The following FAM20C variants were observed in gnomAD, a reference collection of about 807,000 sequenced individuals.
FAM20C encodes the protein extracellular serine/threonine protein kinase FAM20C.
Under a neutral mutation model 51.5 loss-of-function variants are expected in FAM20C, and 40 were observed. The observed-to-expected ratio is 0.78, with a 90% CI of 0.60 to 1.01. FAM20C has a LOEUF of 1.01. Among genes scored for constraint, FAM20C ranks in the 50% least tolerant of loss-of-function variants. The probability of loss-of-function intolerance (pLI) is 0.00; values close to 1 mark genes in which losing one functional copy is unlikely to be tolerated. For missense variants in FAM20C, 861 were observed against 844.7 expected (o/e 1.02, Z -0.24); for synonymous variants, 406 against 380.6 (o/e 1.07, Z -0.78).
Position 257,032 on chromosome 7 carries a change from CTT to C in FAM20C, c.1394_1395del (p.Phe465Ter). ...AACATGGACCGTCACCACTACGAGA[CTT>C]TTGAGAAGTTTGGGAATGAAACGTT... On this transcript the variant is annotated frameshift_variant, in exon 8 of 10. Coordinates refer to ENST00000313766, the MANE Select transcript of FAM20C (RefSeq NM_020223.4). LOFTEE classifies it high-confidence loss of function. The C allele has an allele frequency of 6.5e-7, 1 of 1,537,154 alleles. No homozygotes were observed. Among genetic ancestry groups the C allele is most frequent in the Non-Finnish European group, 8.7e-7 (1 of 1,146,902 alleles).
At position 258,688 on chromosome 7, in the gene FAM20C, G is replaced by A. The variant is rs370400682; in HGVS notation, c.1488G>A (p.Pro496=). 171 of 1,536,394 alleles carry A rather than the reference G, an allele frequency of 1.1e-4. No homozygotes were observed. The African/African-American group carries it at 1.2e-3, about 11-fold the overall frequency. Residue 496 remains proline, a synonymous_variant, in exon 9 of 10, where the codon CCG becomes CCA. Transcript: ENST00000313766. ...ACGACGAGCTCTCCATCCTGGTGCC[G>A]CTACAGCAGTGCTGCAGGTACAGCC... ...YSHDELSILV[P]LQQCCRIRKS... is the part of the protein sequence containing the mutation.
At chr7:223,533 A>G (rs1787331776) in intron 3 of FAM20C, among the ~76,000 whole-genome samples, 1 of 152,166 alleles carries the variant, frequency 6.6e-6, no homozygotes, top group Admixed American at 6.5e-5. Flanking sequence ...AGGCGGGCAC[A>G]TGGTGGGGCA....
intron 9 of FAM20C, 38 bp from the exon 10 acceptor site, chr7:259,693 C>A: frequency 6.6e-7 from 1 of 1,511,914 alleles, no homozygotes; most frequent in South Asian, 1.2e-5. Flanking sequence ...GGCATCTCCC[C>A]TGTCCCGTGC....
At chr7:259,440 A>G (rs1788779605) in intron 9 of FAM20C, among the ~76,000 whole-genome samples, 1 of 37,270 alleles carries the variant, frequency 2.7e-5, no homozygotes, top group Non-Finnish European at 5.1e-5. Flanking sequence ...TGCCGTCTCT[A>G]TCTGTGTCTG....
intron 3 of FAM20C, chr7:228,703 C>T (rs764016131): frequency 1.3e-4 from 61 of 456,150 alleles, no homozygotes; most frequent in South Asian, 9.0e-4. Flanking sequence ...AGCACAGCTG[C>T]CAGCCTCCAC....
intron 3 of FAM20C, among the ~76,000 whole-genome samples, chr7:242,876 G>C (rs1787992616): frequency 6.6e-6 from 1 of 152,192 alleles, no homozygotes; most frequent in South Asian, 2.1e-4. Flanking sequence ...GAGGGACGTG[G>C]AGTGGCTGTG....
intron 2 of FAM20C, chr7:197,535 T>C (rs6951112): frequency 0.95 from 158,313 of 166,674 alleles, 75,720 homozygotes; most frequent in Non-Finnish European, 1. Flanking sequence ...ATCTGTCCAG[T>C]GGGATCTCGC....
chr7:251,983 G>C (rs1439509779), intron 5 of FAM20C, among the ~76,000 whole-genome samples: 1 of 152,228 alleles, frequency 6.6e-6, no homozygotes, highest in Non-Finnish European at 1.5e-5. Context: ...GCGCTGCCCT[G>C]TCAGTCCGAT....
At chr7:213,969 A>G (rs1432341800) in intron 3 of FAM20C, among the ~76,000 whole-genome samples, 1 of 152,162 alleles carries the variant, frequency 6.6e-6, no homozygotes, top group Non-Finnish European at 1.5e-5. Flanking sequence ...CTTTAAAGAA[A>G]TGTCTATTCA....
chr7:257,715 G>A (rs540345377), intron 8 of FAM20C, among the ~76,000 whole-genome samples: 40 of 152,096 alleles, frequency 2.6e-4, no homozygotes, highest in African/African-American at 9.2e-4. Context: ...CACATACAGG[G>A]CTGGGGACAG....
intron 5 of FAM20C, among the ~76,000 whole-genome samples, chr7:249,699 C>A (rs931821194): frequency 3.9e-5 from 6 of 152,084 alleles, no homozygotes; most frequent in Non-Finnish European, 8.8e-5. Context: ...GGGGTTGCAC[C>A]ACTGCACTCC....
chr7:212,169 GT>G (rs1314092094), intron 3 of FAM20C, among the ~76,000 whole-genome samples: 1 of 152,208 alleles, frequency 6.6e-6, no homozygotes, highest in Non-Finnish European at 1.5e-5. Context: ...ATGATTAATA[GT>G]TCTCTTTAAA....
intron 2 of FAM20C, among the ~76,000 whole-genome samples, chr7:206,819 T>G (rs1260560296): frequency 5.2e-4 from 40 of 77,532 alleles, no homozygotes; most frequent in Middle Eastern, 8.8e-3. Context: ...CGTCGGTCAC[T>G]GTCCCCTCGG....
chr7:195,211 G>A, intron 1 of FAM20C: 1 of 241,930 alleles, frequency 4.1e-6, no homozygotes, highest in Non-Finnish European at 7.9e-6. Flanking sequence ...CTCAGCTGAG[G>A]TCATGGTTGG....
intron 3 of FAM20C, among the ~76,000 whole-genome samples, chr7:236,353 G>A (rs942391195): frequency 3.9e-5 from 6 of 152,216 alleles, no homozygotes; most frequent in African/African-American, 1.4e-4. Flanking sequence ...GCTGGCTTCT[G>A]GCAACCCTTG....
At chr7:230,445 G>A (rs537257014) in intron 3 of FAM20C, among the ~76,000 whole-genome samples, 75 of 150,692 alleles carry the variant, frequency 5.0e-4, no homozygotes, top group Non-Finnish European at 9.0e-4. Context: ...GCAGAGCCTC[G>A]TGGCTGGACC....
chr7:205,628 G>A (rs1057242261), intron 2 of FAM20C, among the ~76,000 whole-genome samples: 4 of 152,162 alleles, frequency 2.6e-5, no homozygotes, highest in African/African-American at 7.2e-5. Context: ...CCCTGAGGTC[G>A]CGTCGGAGCC....
chr7:231,896 G>A (rs28619983), intron 3 of FAM20C, among the ~76,000 whole-genome samples: 21,803 of 152,106 alleles, frequency 0.14, 3,286 homozygotes, highest in African/African-American at 0.37. Flanking sequence ...GGCCTGGGGC[G>A]GTCCTCTGTG....
At chr7:259,693 C>G in intron 9 of FAM20C, 38 bp from the exon 10 acceptor site, 2 of 1,511,914 alleles carry the variant, frequency 1.3e-6, no homozygotes, top group South Asian at 1.2e-5. Context: ...GGCATCTCCC[C>G]TGTCCCGTGC....
Sources: allele counts gnomAD v4.1 joint callset (sites outside exome capture counted in the v4.1 genomes callset), GRCh38; gene constraint gnomAD v4.1.1; transcripts MANE v1.5; gene names NCBI Gene and HGNC (gene_info 2026-07-23, HGNC 2026-07-21).